EXOC6B: variants seen among roughly 807,000 people sequenced by gnomAD.
The protein encoded by EXOC6B is SEC15 homolog B.
EXOC6B carries 54 observed loss-of-function variants against 113.5 expected under a neutral mutation model. The observed-to-expected ratio is 0.48, with a 90% CI of 0.38 to 0.60. EXOC6B has a LOEUF of 0.60. EXOC6B is among the 20% of genes least tolerant of loss of function. The pLI is 0.00. For missense variants in EXOC6B, 797 were observed against 977.5 expected, an observed-to-expected ratio of 0.82 and a Z score of 2.46; for synonymous variants, 357 against 339.0, an observed-to-expected ratio of 1.05 and a Z score of -0.58.
intron 20 of EXOC6B, among the ~76,000 whole-genome samples, chr2:72,227,287 G>A (rs1681304800): frequency 6.6e-6 from 1 of 152,082 alleles, no homozygotes; most frequent in African/African-American, 2.4e-5. Flanking sequence ...AACACATACT[G>A]AGCAAGTACT....
chr2:72,356,859 T>C (rs1367376043), intron 19 of EXOC6B, among the ~76,000 whole-genome samples: 8 of 152,154 alleles, frequency 5.3e-5, no homozygotes, highest in South Asian at 2.1e-4. Flanking sequence ...GGGGCCATTA[T>C]TGGTGTAAAA....
At position 72,739,224 on chromosome 2, in the gene EXOC6B, T is replaced by C. The variant is rs72846937; in HGVS notation, c.279+2080A>G. Among the ~76,000 whole-genome samples, 1,050 of 152,306 alleles carry C rather than the reference T, an allele frequency of 6.9e-3. 7 individuals are homozygous for C. The highest frequency in any genetic ancestry group is 0.024 in the Middle Eastern group (7 of 294). On this transcript the variant is annotated intron_variant, in intron 2 of 21. Coordinates refer to ENST00000272427, the MANE Select transcript of EXOC6B (RefSeq NM_015189.3). ...AGAAAACATCATATGAACATCCTTGTACATGCACTTACAGCCTTAGAATAA... is the reference window on the plus strand; with the variant it reads ...AGAAAACATCATATGAACATCCTTGCACATGCACTTACAGCCTTAGAATAA...
intron 1 of EXOC6B, among the ~76,000 whole-genome samples, chr2:72,745,114 T>C (rs938597317): frequency 3.9e-5 from 6 of 152,164 alleles, no homozygotes; most frequent in Non-Finnish European, 5.9e-5. Flanking sequence ...TCAACAATGC[T>C]AAGATCATAC....
chr2:72,459,405 A>T (rs1340542977), intron 18 of EXOC6B, among the ~76,000 whole-genome samples: 1 of 152,158 alleles, frequency 6.6e-6, no homozygotes, highest in Admixed American at 6.5e-5. Context: ...GGAAAAGAGG[A>T]AGTCAAATTG....
At chr2:72,501,919 C>G (rs1195976999) in intron 11 of EXOC6B, among the ~76,000 whole-genome samples, 1 of 151,774 alleles carries the variant, frequency 6.6e-6, no homozygotes, top group Admixed American at 6.6e-5. Flanking sequence ...AGCCACCACA[C>G]CTGGTTAATG....
At chr2:72,235,683 C>T (rs1681916924) in intron 20 of EXOC6B, among the ~76,000 whole-genome samples, 1 of 151,860 alleles carries the variant, frequency 6.6e-6, no homozygotes, top group Non-Finnish European at 1.5e-5. Flanking sequence ...TTCCTTTATT[C>T]TAGACCCCTT....
chr2:72,223,823 A>G (rs1681030725), intron 20 of EXOC6B, among the ~76,000 whole-genome samples: 3 of 152,154 alleles, frequency 2.0e-5, no homozygotes, highest in Admixed American at 1.3e-4. Flanking sequence ...GGAGCCTAGG[A>G]ATTCAGATTT....
At chr2:72,745,382 T>C (rs1681626745) in intron 1 of EXOC6B, among the ~76,000 whole-genome samples, 1 of 152,162 alleles carries the variant, frequency 6.6e-6, no homozygotes, top group South Asian at 2.1e-4. Flanking sequence ...ATTATGATTG[T>C]AATATTCTCT....
At chr2:72,310,229 C>A (rs1450971113) in intron 20 of EXOC6B, among the ~76,000 whole-genome samples, 1 of 152,162 alleles carries the variant, frequency 6.6e-6, no homozygotes, top group South Asian at 2.1e-4. Context: ...TCCACAGTGG[C>A]AGCACCATAT....
chr2:72,184,904 T>C (rs944971810), intron 20 of EXOC6B, among the ~76,000 whole-genome samples: 1 of 152,166 alleles, frequency 6.6e-6, no homozygotes, highest in East Asian at 1.9e-4. Flanking sequence ...CTAGCTAGAA[T>C]TGGGTTATGA....
At chr2:72,257,376 T>C (rs1054414134) in intron 20 of EXOC6B, among the ~76,000 whole-genome samples, 3 of 152,236 alleles carry the variant, frequency 2.0e-5, no homozygotes, top group Admixed American at 2.0e-4. Flanking sequence ...TTTTCTTCCC[T>C]GAATTTAATC....
At position 72,757,848 on chromosome 2, in the gene EXOC6B, G is replaced by C. The variant is rs1682517310; in HGVS notation, c.114-16379C>G. On this transcript the variant is annotated intron_variant, in intron 1 of 21. Transcript: ENST00000272427. Reference sequence around the variant, plus strand: ...CTAACTTCCTCTTGTAATTAATCATGATATCAAAATGGTTTTAAAACATAC... The same window carrying C: ...CTAACTTCCTCTTGTAATTAATCATCATATCAAAATGGTTTTAAAACATAC... 1.3e-5 allele frequency among the ~76,000 whole-genome samples: 2 copies of C among 151,944 alleles called. 1 individual carries two copies.
chr2:72,391,890 G>A (rs550383996), intron 18 of EXOC6B, among the ~76,000 whole-genome samples: 30 of 152,186 alleles, frequency 2.0e-4, no homozygotes, highest in African/African-American at 7.0e-4. Context: ...ATCACTCTGT[G>A]TGTTTCAGTT....
chr2:72,400,648 C>G (rs186629664), intron 18 of EXOC6B, among the ~76,000 whole-genome samples: 82 of 150,220 alleles, frequency 5.5e-4, no homozygotes, highest in Non-Finnish European at 9.6e-4. Flanking sequence ...GCAGACAATT[C>G]TCAAAAAAAG....
At chr2:72,218,154 C>T (rs1258040257) in intron 20 of EXOC6B, among the ~76,000 whole-genome samples, 1 of 152,168 alleles carries the variant, frequency 6.6e-6, no homozygotes, top group African/African-American at 2.4e-5. Context: ...AAACAATTTA[C>T]ATACTTGCCT....
chr2:72,819,131 C>A (rs1180314884), intron 1 of EXOC6B, among the ~76,000 whole-genome samples: 1 of 152,052 alleles, frequency 6.6e-6, no homozygotes, highest in Non-Finnish European at 1.5e-5. Flanking sequence ...TGAATCAATT[C>A]ATTAATAAAG....
intron 6 of EXOC6B, among the ~76,000 whole-genome samples, chr2:72,677,568 C>T (rs1455003361): frequency 6.6e-6 from 1 of 152,168 alleles, no homozygotes; most frequent in East Asian, 1.9e-4. Context: ...CTGTCCAAAA[C>T]ACTCTGAGTT....
intron 7 of EXOC6B, among the ~76,000 whole-genome samples, chr2:72,559,758 G>A (rs1703783078): frequency 6.6e-6 from 1 of 152,200 alleles, no homozygotes. Context: ...ACAAGGATGG[G>A]TAGCAAAGAG....
intron 6 of EXOC6B, among the ~76,000 whole-genome samples, chr2:72,675,962 T>C (rs1446460749): frequency 1.3e-5 from 2 of 152,104 alleles, no homozygotes; most frequent in Admixed American, 6.5e-5. Flanking sequence ...CCCTCTGTAG[T>C]AGAAATTTTT....
Sources: allele counts gnomAD v4.1 joint callset (sites outside exome capture counted in the v4.1 genomes callset), GRCh38; gene constraint gnomAD v4.1.1; transcripts MANE v1.5; gene names NCBI Gene and HGNC (gene_info 2026-07-23, HGNC 2026-07-21).